The following CCDC7 variants were observed in gnomAD, a reference collection of about 807,000 sequenced individuals.
CCDC7 encodes coiled-coil domain containing 7.
Under a neutral mutation model 196.9 loss-of-function variants are expected in CCDC7, and 183 were observed. The observed-to-expected ratio is 0.93, with a 90% confidence interval of 0.82 to 1.05. The LOEUF (loss-of-function observed/expected upper bound fraction) is 1.05. Among genes scored for constraint, CCDC7 ranks in the 50% least tolerant of loss-of-function variants. The pLI, the probability that CCDC7 is intolerant of heterozygous loss-of-function variation, is 0.00. For missense variants in CCDC7, 1,540 were observed against 1,482.2 expected (o/e 1.04, Z -0.64); for synonymous variants, 525 against 484.6 (o/e 1.08, Z -1.10).
chr10:32,621,136 G>A (rs1270977754), intron 18 of CCDC7, among the ~76,000 whole-genome samples: 1 of 152,152 alleles, frequency 6.6e-6, no homozygotes, highest in African/African-American at 2.4e-5. Flanking sequence ...TCAAGATTTA[G>A]GTGATAAATT....
At chr10:32,748,212 AGGGTGGAGAAT>A (rs2133372975) in intron 28 of CCDC7, among the ~76,000 whole-genome samples, 1 of 152,266 alleles carries the variant, frequency 6.6e-6, no homozygotes, top group African/African-American at 2.4e-5. Flanking sequence ...GGCCTACTTG[AGGGTGGAGAAT>A]GGGTGGAGGT....
chr10:32,604,776 A>G (rs866261123), intron 18 of CCDC7, among the ~76,000 whole-genome samples: 19 of 151,944 alleles, frequency 1.3e-4, no homozygotes, highest in Admixed American at 4.6e-4. Context: ...TTGACTTTGT[A>G]TGCCATAAAT....
Position 32,511,485 on chromosome 10 carries a change from C to G in CCDC7, c.873-6460C>G, listed in dbSNP as rs1350988934. On this transcript the variant is annotated intron_variant, in intron 9 of 41. Coordinates refer to ENST00000639629, the Ensembl canonical transcript of CCDC7. ...ATATATACTCTGATTCTTTCCAATTCCTGTTTTACTGGATGTTCCTTAGGA... is the reference window on the plus strand; with the variant it reads ...ATATATACTCTGATTCTTTCCAATTGCTGTTTTACTGGATGTTCCTTAGGA... The G allele has an allele frequency of 3.1e-6, 5 of 1,605,936 alleles. No homozygotes were observed. The Admixed American group carries it at 8.3e-5, about 27-fold the overall frequency.
chr10:32,525,509 G>A (rs2048533777), intron 11 of CCDC7, among the ~76,000 whole-genome samples: 3 of 152,134 alleles, frequency 2.0e-5, no homozygotes, highest in Admixed American at 2.0e-4. Context: ...TTCTCTTTCT[G>A]AAAAGTCATA....
intron 16 of CCDC7, among the ~76,000 whole-genome samples, chr10:32,582,548 G>T (rs1249271369): frequency 6.6e-6 from 1 of 151,998 alleles, no homozygotes; most frequent in African/African-American, 2.4e-5. Context: ...TTTGGCAACT[G>T]GTAGAGAATA....
At chr10:32,834,257 T>G (rs973098184) in intron 32 of CCDC7, among the ~76,000 whole-genome samples, 5 of 151,972 alleles carry the variant, frequency 3.3e-5, no homozygotes, top group African/African-American at 1.2e-4. Flanking sequence ...TTACATAACA[T>G]AAAAAGGGGC....
intron 29 of CCDC7, among the ~76,000 whole-genome samples, chr10:32,788,943 C>T (rs1190360304): frequency 6.6e-6 from 1 of 152,218 alleles, no homozygotes; most frequent in Non-Finnish European, 1.5e-5. Context: ...GACCCAGGCT[C>T]TAGGCCCAAC....
chr10:32,709,333 G>T (rs557357811), intron 24 of CCDC7, among the ~76,000 whole-genome samples: 1 of 110,946 alleles, frequency 9.0e-6, no homozygotes, highest in Non-Finnish European at 1.7e-5. Flanking sequence ...GGTGGGGGGA[G>T]GGGGGAGGGA....
intron 25 of CCDC7, among the ~76,000 whole-genome samples, chr10:32,717,816 A>G (rs1481714885): frequency 6.6e-6 from 1 of 152,018 alleles, no homozygotes; most frequent in Non-Finnish European, 1.5e-5. Context: ...AGCTTTCCCA[A>G]GACTAAACCA....
intron 18 of CCDC7, among the ~76,000 whole-genome samples, chr10:32,620,792 A>G (rs1254113003): frequency 6.6e-5 from 10 of 152,170 alleles, no homozygotes; most frequent in East Asian, 3.9e-4. Context: ...TTATCACCAT[A>G]TGATATAGCT....
intron 13 of CCDC7, among the ~76,000 whole-genome samples, chr10:32,563,269 T>C (rs1484343659): frequency 1.3e-5 from 2 of 152,096 alleles, no homozygotes; most frequent in East Asian, 1.9e-4. Flanking sequence ...CAGCTACCAA[T>C]GACTTTCTTC....
intron 11 of CCDC7, among the ~76,000 whole-genome samples, chr10:32,528,551 A>G (rs1213340366): frequency 1.3e-5 from 2 of 151,590 alleles, no homozygotes; most frequent in African/African-American, 4.8e-5. Flanking sequence ...ATGGTCTCCA[A>G]ATCTATCCAG....
At chr10:32,702,766 G>T (rs1379521962) in intron 24 of CCDC7, among the ~76,000 whole-genome samples, 1 of 152,182 alleles carries the variant, frequency 6.6e-6, no homozygotes, top group African/African-American at 2.4e-5. Context: ...TTACCATTAT[G>T]TAATGGCCTT....
intron 28 of CCDC7, among the ~76,000 whole-genome samples, chr10:32,771,338 G>C (rs1297059050): frequency 1.3e-5 from 2 of 152,054 alleles, no homozygotes; most frequent in Non-Finnish European, 2.9e-5. Context: ...TAGTTTTGCA[G>C]GATACAAAAC....
At chr10:32,660,486 T>C (rs1435297125) in intron 20 of CCDC7, among the ~76,000 whole-genome samples, 4 of 130,556 alleles carry the variant, frequency 3.1e-5, no homozygotes, top group Non-Finnish European at 6.5e-5. Flanking sequence ...TAGTATTCCA[T>C]GGTGTATATG....
At chr10:32,728,553 A>G (rs2083451070) in intron 26 of CCDC7, among the ~76,000 whole-genome samples, 2 of 152,212 alleles carry the variant, frequency 1.3e-5, no homozygotes, top group South Asian at 2.1e-4. Flanking sequence ...GCTATAACGA[A>G]TGATCTTATG....
At chr10:32,646,531 G>C (rs2067800572) in intron 20 of CCDC7, among the ~76,000 whole-genome samples, 1 of 151,846 alleles carries the variant, frequency 6.6e-6, no homozygotes, top group Admixed American at 6.6e-5. Context: ...ATGTCTGTTA[G>C]GTTCATTTTG....
At position 32,864,014 on chromosome 10, in the gene CCDC7, G is replaced by A. The variant is rs72784025; in HGVS notation, c.4111+9525G>A. 8.4e-3 allele frequency among the ~76,000 whole-genome samples: 1,248 copies of A among 149,222 alleles called. 16 individuals carry two copies. The highest frequency in any genetic ancestry group is 0.014 in the Non-Finnish European group (955 of 67,460). ...AAAAAAAAAAAAAAATTTGCAAACC[G>A]TATAACTGATAAGGGGCTAATATCC... On this transcript the variant is annotated intron_variant, in intron 41 of 41. Transcript: ENST00000639629.
At chr10:32,543,508 C>A (rs2051867333) in intron 12 of CCDC7, 123 bp downstream of exon 13, 2 of 1,000,238 alleles carry the variant, frequency 2.0e-6, no homozygotes, top group Middle Eastern at 3.8e-4. Context: ...ATAAAATTGG[C>A]AAATACATGT....
Sources: allele counts gnomAD v4.1 joint callset (sites outside exome capture counted in the v4.1 genomes callset), GRCh38; gene constraint gnomAD v4.1.1; transcripts MANE v1.5; gene names NCBI Gene and HGNC (gene_info 2026-07-23, HGNC 2026-07-21).